Variants in DIMT1 observed in about 807,000 individuals in gnomAD.
DIMT1 encodes dimethyladenosine transferase.
DIMT1 carries 36 observed loss-of-function variants against 43.2 expected under a neutral mutation model. That is an observed-to-expected ratio of 0.83 (90% CI 0.64 to 1.10). DIMT1 has a LOEUF of 1.10. Among genes scored for constraint, DIMT1 ranks in the 50% least tolerant of loss-of-function variants. DIMT1 has a pLI of 0.00. For missense variants in DIMT1, 341 were observed against 385.3 expected, an observed-to-expected ratio of 0.88 and a Z score of 0.96; for synonymous variants, 126 against 130.3, an observed-to-expected ratio of 0.97 and a Z score of 0.22.
intron 2 of DIMT1, among the ~76,000 whole-genome samples, chr5:62,402,980 C>A (rs564456744): frequency 6.6e-6 from 1 of 152,146 alleles, no homozygotes; most frequent in African/African-American, 2.4e-5. Context: ...ACTAAGTGAT[C>A]AAAAAGGTGA....
At position 62,394,601 on chromosome 5, in the gene DIMT1, A is replaced by G. The variant is rs1742416123; in HGVS notation, c.453T>C (p.Ala151=). ...LLLHRPFFRC[A]ILMFQREFAL... The stretch of plus-strand genomic sequence containing the variant: ...CAAATTCTCTTTGAAACATAAGTAT[A>G]GCACACCTGAAAAGAAAGCAGAAAG... Residue 151 remains alanine (A), a synonymous_variant, in exon 7 of 12, where the codon GCT becomes GCC. Transcript: ENST00000199320. 2 of 1,614,052 alleles carry G rather than the reference A, an allele frequency of 1.2e-6. No individual in the cohort carries two copies. Among genetic ancestry groups the G allele is most frequent in the Non-Finnish European group, 8.5e-7 (1 of 1,180,042 alleles).
At chr5:62,401,495 CAAAA>C (rs563279122) in intron 3 of DIMT1, among the ~76,000 whole-genome samples, 8 of 60,500 alleles carry the variant, frequency 1.3e-4, no homozygotes, top group African/African-American at 3.1e-4. Flanking sequence ...ATTCCCTCTC[CAAAA>C]AAAAAAAAAA....
chr5:62,398,763 A>G lies in DIMT1; in HGVS notation c.303-24T>C. ...GCCTGATGAGAAAAGAAGAAATGTAAAAAGAATGTTGTTTCATGAGATTGA... is the reference window on the plus strand; with the variant it reads ...GCCTGATGAGAAAAGAAGAAATGTAGAAAGAATGTTGTTTCATGAGATTGA... On this transcript the variant is annotated intron_variant, in intron 4 of 11. Transcript: ENST00000199320. 6.2e-6 allele frequency: 10 copies of G among 1,614,064 alleles called. 1 individual carries two copies. Among genetic ancestry groups the G allele is most frequent in the Middle Eastern group, 3.3e-4 (2 of 6,060 alleles).
At chr5:62,400,348 T>C (rs984322218) in intron 3 of DIMT1, among the ~76,000 whole-genome samples, 24 of 151,928 alleles carry the variant, frequency 1.6e-4, no homozygotes, top group African/African-American at 5.3e-4. Flanking sequence ...CTTGGGCTCA[T>C]GGGATCCTCC....
At chr5:62,392,139 C>G in intron 10 of DIMT1, 32 bp downstream of exon 10, 3 of 1,607,044 alleles carry the variant, frequency 1.9e-6, no homozygotes, top group Non-Finnish European at 1.7e-6. Flanking sequence ...GAAAACAAAT[C>G]AATGAAACTG....
chr5:62,398,287 T>G (rs567813145), intron 6 of DIMT1: 2 of 500,956 alleles, frequency 4.0e-6, no homozygotes, highest in African/African-American at 3.9e-5. Flanking sequence ...GCAGGAAGAT[T>G]CAAAAATAGG....
chr5:62,400,442 G>C (rs1334522976), intron 3 of DIMT1, among the ~76,000 whole-genome samples: 2 of 151,990 alleles, frequency 1.3e-5, no homozygotes, highest in African/African-American at 4.8e-5. Context: ...TAATAGAGAC[G>C]GGTCTCTCTA....
intron 10 of DIMT1, 132 bp from the exon 11 acceptor site, chr5:62,391,114 AT>A: frequency 1.5e-6 from 1 of 651,920 alleles, no homozygotes; most frequent in Non-Finnish European, 2.6e-6. Flanking sequence ...GGAAAGCCTG[AT>A]TTTTACATTA....
intron 3 of DIMT1, among the ~76,000 whole-genome samples, chr5:62,400,463 G>C (rs935014696): frequency 2.0e-5 from 3 of 152,038 alleles, no homozygotes; most frequent in Admixed American, 2.0e-4. Flanking sequence ...TGTTGCCCGG[G>C]CTGGTCTCAA....
chr5:62,402,203 A>G (rs1580132796), intron 2 of DIMT1, 81 bp from the exon 3 acceptor site: 1 of 1,380,384 alleles, frequency 7.2e-7, no homozygotes, highest in African/African-American at 1.4e-5. Context: ...ATCTTTACTC[A>G]TATGTGCTCC....
rs552177389 is a variant in DIMT1, at chr5:62,392,858, G to A, written c.728+68C>T. ...GCTTTAGGGTAGCTGCTCAGGAAAA[G>A]GACCAAATTCTAGCATAGTATCTGG... On this transcript the variant is annotated intron_variant, in intron 9 of 11. Coordinates refer to ENST00000199320, the MANE Select transcript of DIMT1 (RefSeq NM_014473.4). The A allele has an allele frequency of 4.5e-4, 506 of 1,122,270 alleles. 8 individuals are homozygous for A. The South Asian group carries it at 6.5e-3, about 14-fold the overall frequency. 69.5% of individuals were successfully genotyped at this position (1,122,270 alleles called of 1,614,324 possible). A position where few individuals can be genotyped will look rare whatever the true frequency, so the allele number is the denominator to read the frequency against.
rs1742327928 is a variant in DIMT1 at position 62,392,175 on chromosome 5, T to C, written c.788A>G (p.Asn263Ser). 2 of 1,613,206 alleles carry C rather than the reference T, an allele frequency of 1.2e-6. No homozygotes were observed. Among genetic ancestry groups the C allele is most frequent in the African/African-American group, 1.3e-5 (1 of 74,912 alleles). ...CAGGAACATTTTCTAACTTACAATA[T>C]TATGGACTGAACAGTGAATTCTGTA... Reference protein sequence around the residue: ...KNYRIHCSVHNIIIPEDFSIA... With the variant: ...KNYRIHCSVHSIIIPEDFSIA... The change falls in exon 10 of 12, where the codon AAT (asparagine) becomes AGT (serine). Residue 263 changes from asparagine to serine, a missense_variant. Physicochemically the swap from Asn to Ser is conservative, Grantham distance 46. Transcript: ENST00000199320.
chr5:62,402,568 G>C (rs190909203), intron 2 of DIMT1, among the ~76,000 whole-genome samples: 1 of 152,336 alleles, frequency 6.6e-6, no homozygotes, highest in East Asian at 1.9e-4. Context: ...TCTGCACACA[G>C]CTCTAATATT....
At chr5:62,397,874 T>G (rs1288473709) in intron 6 of DIMT1, among the ~76,000 whole-genome samples, 2 of 152,186 alleles carry the variant, frequency 1.3e-5, no homozygotes, top group African/African-American at 4.8e-5. Flanking sequence ...GGTCTCGATC[T>G]CCTGACCTCA....
Position 62,388,415 on chromosome 5 carries a change from A to T in DIMT1, c.*595T>A, listed in dbSNP as rs1371312162. On this transcript the variant is annotated 3_prime_UTR_variant, in exon 12 of 12. Coordinates refer to ENST00000199320, the MANE Select transcript of DIMT1 (RefSeq NM_014473.4). Reference sequence around the variant, plus strand: ...CGGTGGCAGTAGCAGACTTGGGCTTACCCAGAACCCTAAGTCTCTGACGCT... The same window carrying T: ...CGGTGGCAGTAGCAGACTTGGGCTTTCCCAGAACCCTAAGTCTCTGACGCT... 1 of 152,358 alleles carries T rather than the reference A, an allele frequency of 6.6e-6. No individual in the cohort carries two copies. Among genetic ancestry groups the T allele is most frequent in the Non-Finnish European group, 1.5e-5 (1 of 68,176 alleles). 9.4% of individuals were successfully genotyped at this position (152,358 alleles called of 1,614,324 possible).
rs1162211926 is a variant in DIMT1 at position 62,390,970 on chromosome 5, C to A, written c.805G>T (p.Asp269Tyr). 1.7e-5 allele frequency: 27 copies of A among 1,613,208 alleles called. No homozygotes were observed. Among genetic ancestry groups the A allele is most frequent in the Non-Finnish European group, 2.1e-5 (25 of 1,179,608 alleles). The change falls in exon 11 of 12, where the codon GAT (aspartate) becomes TAT (tyrosine). Residue 269 changes from aspartate to tyrosine, a missense_variant. By Grantham distance (160) the Asp-to-Tyr change is radical (BLOSUM62 -3). Coordinates refer to ENST00000199320, the MANE Select transcript of DIMT1 (RefSeq NM_014473.4). ...CSVHNIIIPE[D>Y]FSIADKIQQI... ...TGTATTTTATCTGCTATGCTGAAAT[C>A]TTCTGGTATTATCTATCAATATAAG...
In DIMT1 at chr5:62,394,050, G is replaced by A. The variant is rs1009054207; in HGVS notation, c.571-3C>T. ...GGTCTGAAGTTATTCTTTCCCACCTGTTAATGAAAAAGTATTTAAGTAGTA... is the reference window on the plus strand; with the variant it reads ...GGTCTGAAGTTATTCTTTCCCACCTATTAATGAAAAAGTATTTAAGTAGTA... On this transcript the variant is annotated splice_polypyrimidine_tract_variant and splice_region_variant and intron_variant, in intron 7 of 11. Transcript: ENST00000199320. 1.9e-6 allele frequency: 3 copies of A among 1,609,300 alleles called. No individual in the cohort carries two copies. The Admixed American group carries it at 5.1e-5, about 27-fold the overall frequency.
chr5:62,398,761 T>G, intron 4 of DIMT1, 22 bp from the exon 5 acceptor site: 2 of 1,613,984 alleles, frequency 1.2e-6, no homozygotes, highest in Non-Finnish European at 1.7e-6. Flanking sequence ...AGAAGAAATG[T>G]AAAAAGAATG....
chr5:62,401,884 A>G (rs748755302), intron 3 of DIMT1, 152 bp downstream of exon 3: 6 of 736,492 alleles, frequency 8.1e-6, no homozygotes, highest in Non-Finnish European at 8.6e-6. Flanking sequence ...CCTGGCTGAA[A>G]TATCTCATAT....
Sources: gnomAD v4.1 joint callset for allele counts (sites outside exome capture counted in the v4.1 genomes callset) on GRCh38, gnomAD v4.1.1 for gene constraint, MANE v1.5 for transcripts, NCBI Gene and HGNC (gene_info 2026-07-23, HGNC 2026-07-21) for gene names.